Variants in CDHR2 observed in about 807,000 individuals in gnomAD.
The protein encoded by CDHR2 is cadherin related family member 2, also known as cadherin-related family member 2.
Under a neutral mutation model 138.6 loss-of-function variants are expected in CDHR2, and 104 were observed. The ratio of observed to expected loss-of-function variants is 0.75; its 90% CI spans 0.64 to 0.88. The LOEUF (loss-of-function observed/expected upper bound fraction) is 0.88, where lower values mean the gene tolerates loss of function less well. Ranked by LOEUF, CDHR2 falls within the 40% of genes least tolerant of loss-of-function variation. CDHR2 has a pLI of 0.00. For missense variants in CDHR2, 1,624 were observed against 1,727.6 expected (o/e 0.94, Z 1.06); for synonymous variants, 755 against 742.8 (o/e 1.02, Z -0.27).
intron 1 of CDHR2, among the ~76,000 whole-genome samples, chr5:176,561,087 G>A (rs1242222902): frequency 6.6e-6 from 1 of 152,288 alleles, no homozygotes; most frequent in Non-Finnish European, 1.5e-5. Context: ...AGAAGGGCAA[G>A]AGACAGACCG....
chr5:176,568,710 C>A lies in CDHR2; in HGVS notation c.157C>A (p.Gln53Lys), dbSNP rs114185037. ...AQAFWLVAED[Q>K]DNDPLTYGMS... ...GGCCTTCTGGTTGGTAGCGGAAGAC[C>A]AGGACAATGACCCTCTGACCTATGG... The change falls in exon 4 of 32, where the codon CAG becomes AAG. Residue 53 changes from glutamine to lysine, a missense_variant. By Grantham distance (53) the Gln-to-Lys change is moderately conservative (BLOSUM62 1). This residue lies in a region of CDHR2 where 1,061 missense variants were observed against 1,136.6 expected (regional missense o/e 0.93). Coordinates refer to ENST00000261944, the MANE Select transcript of CDHR2 (RefSeq NM_017675.6). 3.0e-3 allele frequency: 4,838 copies of A among 1,614,208 alleles called. 100 individuals are homozygous for A. In the African/African-American group the frequency reaches 0.055, roughly 18 times the overall value.
intron 1 of CDHR2, among the ~76,000 whole-genome samples, chr5:176,558,214 ATTTTTTTT>A (rs34795456): frequency 7.6e-6 from 1 of 132,176 alleles, no homozygotes; most frequent in African/African-American, 2.8e-5. Flanking sequence ...TTCTTTTCTT[ATTTTTTTT>A]TTTTTTTTTT....
At chr5:176,567,138 C>T (rs1758103197) in intron 3 of CDHR2, 1 of 394,966 alleles carries the variant, frequency 2.5e-6, no homozygotes, top group African/African-American at 2.1e-5. Context: ...TCATGTCTAT[C>T]CCATGGAGGC....
At position 176,550,134 on chromosome 5, in the gene CDHR2, C is replaced by T. The variant is rs528740657; in HGVS notation, c.-16+720C>T. On this transcript the variant is annotated intron_variant, in intron 1 of 31. Coordinates refer to ENST00000261944, the MANE Select transcript of CDHR2 (RefSeq NM_017675.6). ...GCTGGGTTGGGCACCAGGCACAAGG[C>T]AGGGTCCCAGTGAGCACCGAGGTCC... 5.9e-5 allele frequency among the ~76,000 whole-genome samples: 9 copies of T among 152,336 alleles called. No individual in the cohort carries two copies. The South Asian group carries it at 1.7e-3, about 28-fold the overall frequency.
In CDHR2 at chr5:176,574,070, T is replaced by G; in HGVS notation, c.406-13T>G. The stretch of plus-strand genomic sequence containing the variant: ...TGGATTTGAGCTCATAGGTGACGAG[T>G]CCCTCCCTGCAGACCCTGCCCGTGG... On this transcript the variant is annotated splice_polypyrimidine_tract_variant and intron_variant, in intron 6 of 31. Transcript: ENST00000261944. 1 of 1,608,730 alleles carries G rather than the reference T, an allele frequency of 6.2e-7. No homozygotes were observed. The highest frequency in any genetic ancestry group is 1.7e-4 in the Middle Eastern group (1 of 6,046).
chr5:176,575,811 C>T lies in CDHR2; in HGVS notation c.932C>T (p.Ala311Val), dbSNP rs551094108. 21 of 1,553,266 alleles carry T rather than the reference C, an allele frequency of 1.4e-5. No individual in the cohort carries two copies. The highest frequency in any genetic ancestry group is 8.2e-5 in the African/African-American group (6 of 73,248). Residue 311 changes from alanine (A) to valine (V), a missense_variant, in exon 11 of 32, where the codon GCG becomes GTG. Ala to Val is a moderately conservative substitution (Grantham distance 64). This residue lies in a region of CDHR2 where 1,061 missense variants were observed against 1,136.6 expected (regional missense o/e 0.93). Coordinates refer to ENST00000261944, the MANE Select transcript of CDHR2 (RefSeq NM_017675.6). Reference protein sequence around the residue: ...GSLDREQLLEADEEVQLQVTA... With the variant: ...GSLDREQLLEVDEEVQLQVTA... ...CTGGACCGTGAGCAGCTGCTGGAGGCGGATGAGGAGGTGCAGCTGCAGGTC... is the reference window on the plus strand; with the variant it reads ...CTGGACCGTGAGCAGCTGCTGGAGGTGGATGAGGAGGTGCAGCTGCAGGTC...
Position 176,575,487 on chromosome 5 carries a change from T to C in CDHR2, c.769-19T>C. On this transcript the variant is annotated intron_variant, in intron 9 of 31. Coordinates refer to ENST00000261944, the MANE Select transcript of CDHR2 (RefSeq NM_017675.6). ...GGAGGCGGGGAAGTTTGAGGAGCACTGACCAGGCCCCATTCCAGGGAACCT... is the reference window on the plus strand; with the variant it reads ...GGAGGCGGGGAAGTTTGAGGAGCACCGACCAGGCCCCATTCCAGGGAACCT... 7 of 1,614,090 alleles carry C rather than the reference T, an allele frequency of 4.3e-6. No individual in the cohort carries two copies. The highest frequency in any genetic ancestry group is 5.9e-6 in the Non-Finnish European group (7 of 1,179,970).
intron 21 of CDHR2, among the ~76,000 whole-genome samples, chr5:176,587,448 CAAAA>C (rs919618563): frequency 1.4e-5 from 2 of 142,396 alleles, no homozygotes; most frequent in African/African-American, 5.1e-5. Context: ...AACTCTGCCT[CAAAA>C]AAAAATAAAT....
intron 3 of CDHR2, 27 bp downstream of exon 3, chr5:176,565,770 C>T: frequency 6.3e-7 from 1 of 1,593,600 alleles, no homozygotes; most frequent in Non-Finnish European, 8.6e-7. Flanking sequence ...GTGTCTGCCC[C>T]ATGTCAGGTC....
chr5:176,584,168 T>A (rs758365535), intron 17 of CDHR2, 22 bp from the exon 18 acceptor site: 4 of 1,610,866 alleles, frequency 2.5e-6, no homozygotes, highest in Non-Finnish European at 2.5e-6. Flanking sequence ...TCCCGGGGAC[T>A]CAGACCTGTC....
At chr5:176,555,629 G>C (rs1435353453) in intron 1 of CDHR2, among the ~76,000 whole-genome samples, 1 of 152,220 alleles carries the variant, frequency 6.6e-6, no homozygotes, top group African/African-American at 2.4e-5. Flanking sequence ...TGGGCCAAGT[G>C]CAGTGGATGG....
Position 176,578,574 on chromosome 5 carries a change from A to G in CDHR2, c.1784A>G (p.Gln595Arg), listed in dbSNP as rs1234838802. 1 of 1,613,026 alleles carries G rather than the reference A, an allele frequency of 6.2e-7. No individual in the cohort carries two copies. Among genetic ancestry groups the G allele is most frequent in the Non-Finnish European group, 8.5e-7 (1 of 1,179,924 alleles). ...AGCGGCTCCTACAACATCTTCGTCCAGGAGGAGGAGGGCAATGTCTCCGTG... is the reference window on the plus strand; with the variant it reads ...AGCGGCTCCTACAACATCTTCGTCCGGGAGGAGGAGGGCAATGTCTCCGTG... ...VVSGSYNIFV[Q>R]EEEGNVSVTI... The change falls in exon 16 of 32, where the codon CAG becomes CGG. Residue 595 changes from glutamine (Q) to arginine (R), a missense_variant. Gln to Arg is a conservative substitution (Grantham distance 43, BLOSUM62 1). Coordinates refer to ENST00000261944, the MANE Select transcript of CDHR2 (RefSeq NM_017675.6).
rs1282263552 is a variant in CDHR2 at position 176,566,071 on chromosome 5, TA to T, written c.124+330del. Among the ~76,000 whole-genome samples, 4 of 149,858 alleles carry T rather than the reference TA, an allele frequency of 2.7e-5. No homozygotes were observed. The South Asian group carries it at 6.3e-4, about 24-fold the overall frequency. Reference sequence around the variant, plus strand: ...CTTCCTCCTCCTTCCTCACACTGGCTAATCTCTCCCACTCCCACGCTGGCTT... The same window carrying T: ...CTTCCTCCTCCTTCCTCACACTGGCTATCTCTCCCACTCCCACGCTGGCTT... On this transcript the variant is annotated intron_variant, in intron 3 of 31. Coordinates refer to ENST00000261944, the MANE Select transcript of CDHR2 (RefSeq NM_017675.6).
intron 28 of CDHR2, 83 bp from the exon 29 acceptor site, chr5:176,591,127 T>C: frequency 1.1e-6 from 1 of 913,880 alleles, no homozygotes; most frequent in Non-Finnish European, 1.8e-6. Context: ...CCCGGGATCT[T>C]GTGAAGCCAC....
chr5:176,589,430 A>T lies in CDHR2; in HGVS notation c.3109A>T (p.Thr1037Ser), dbSNP rs769846379. Residue 1037 changes from threonine to serine, a missense_variant, in exon 23 of 32, where the codon ACC becomes TCC. Around this residue, in one of 3 missense-constraint regions of CDHR2, gnomAD observed 556 missense variants for 565.7 expected, o/e 0.98. Transcript: ENST00000261944. ...GGGTCCTTTCCTGGAAGCCACCACCACCCTGAATGTGAGTGCTGGTCCCAC... is the reference window on the plus strand; with the variant it reads ...GGGTCCTTTCCTGGAAGCCACCACCTCCCTGAATGTGAGTGCTGGTCCCAC... ...SLGPFLEATT[T>S]LNLFTVDQSY... The T allele has an allele frequency of 2.3e-5, 37 of 1,597,958 alleles. No homozygotes were observed. The highest frequency in any genetic ancestry group is 3.2e-5 in the Non-Finnish European group (37 of 1,170,068).
chr5:176,589,226 C>T (rs775569015), intron 22 of CDHR2, 44 bp downstream of exon 22: 14 of 1,609,990 alleles, frequency 8.7e-6, no homozygotes, highest in East Asian at 2.2e-5. Context: ...GGGAGGGGCC[C>T]GATAGGAGCT....
chr5:176,565,517 C>T, intron 2 of CDHR2, 113 bp downstream of exon 2: 1 of 1,297,250 alleles, frequency 7.7e-7, no homozygotes, highest in South Asian at 1.2e-5. Context: ...TGGGCCAGCC[C>T]TGTGCTTGGC....
Position 176,564,661 on chromosome 5 carries a change from G to A in CDHR2, c.-15-677G>A, listed in dbSNP as rs1294554812. On this transcript the variant is annotated intron_variant, in intron 1 of 31. Transcript: ENST00000261944. ...CTGTCTGGCTATCAATCAACAAGAG[G>A]ATCCCAGAGTATGCAGCCCTCCCTA... is the stretch of plus-strand genomic sequence containing the variant. Among the ~76,000 whole-genome samples the A allele has an allele frequency of 2.6e-5, 4 of 152,068 alleles. No individual in the cohort carries two copies. The East Asian group carries it at 7.7e-4, about 29-fold the overall frequency.
intron 1 of CDHR2, among the ~76,000 whole-genome samples, chr5:176,561,973 T>C (rs542508231): frequency 7.9e-4 from 120 of 152,088 alleles, no homozygotes; most frequent in African/African-American, 2.7e-3. Context: ...AGAGAGTGCA[T>C]CAGCCAGCAA....
Sources: allele counts gnomAD v4.1 joint callset (sites outside exome capture counted in the v4.1 genomes callset), GRCh38; gene constraint gnomAD v4.1.1; regional missense constraint gnomAD v4.1.1; transcripts MANE v1.5; gene names NCBI Gene and HGNC (gene_info 2026-07-23, HGNC 2026-07-21).